CMSS1: variants seen among roughly 807,000 people sequenced by gnomAD.
CMSS1 encodes protein CMSS1.
A neutral mutation model predicts 43.5 loss-of-function variants in CMSS1; 33 were observed. That is an observed-to-expected ratio of 0.76 (90% confidence interval 0.57 to 1.01). CMSS1 has a LOEUF of 1.01. CMSS1 is among the 50% of genes least tolerant of loss of function. The probability of loss-of-function intolerance (pLI) is 0.00; values close to 1 mark genes in which losing one functional copy is unlikely to be tolerated. For synonymous variants in CMSS1, 115 were observed against 117.2 expected (o/e 0.98, Z 0.12); for missense variants, 313 against 326.4 (o/e 0.96, Z 0.32).
chr3:100,039,807 G>T (rs549890862), intron 1 of CMSS1: 1 of 150,462 alleles, frequency 6.6e-6, no homozygotes, highest in African/African-American at 2.4e-5. Context: ...AGGCTGGAGT[G>T]CAGTGGCATG....
At chr3:99,907,786 C>A (rs143034925) in intron 1 of CMSS1, among the ~76,000 whole-genome samples, 13 of 152,130 alleles carry the variant, frequency 8.5e-5, no homozygotes, top group African/African-American at 3.1e-4. Context: ...TAATGTGCAA[C>A]GCTAATGCTA....
intron 1 of CMSS1, among the ~76,000 whole-genome samples, chr3:99,945,294 T>G (rs1707975679): frequency 6.6e-6 from 1 of 152,134 alleles, no homozygotes; most frequent in Non-Finnish European, 1.5e-5. Context: ...CCATACTCCC[T>G]CATGAGGTGA....
At chr3:99,835,092 C>A (rs1306553787) in intron 1 of CMSS1, among the ~76,000 whole-genome samples, 1 of 152,050 alleles carries the variant, frequency 6.6e-6, no homozygotes, top group Non-Finnish European at 1.5e-5. Flanking sequence ...ATTGTTTTAC[C>A]TTTCTTGTTT....
chr3:100,020,949 G>A (rs1003628641), intron 1 of CMSS1, among the ~76,000 whole-genome samples: 1 of 152,012 alleles, frequency 6.6e-6, no homozygotes, highest in East Asian at 1.9e-4. Flanking sequence ...TGTATTTTTA[G>A]TAGGGACAGG....
chr3:100,048,736 G>T (rs1430768966), intron 1 of CMSS1, among the ~76,000 whole-genome samples: 1 of 152,144 alleles, frequency 6.6e-6, no homozygotes, highest in Non-Finnish European at 1.5e-5. Flanking sequence ...CTCAGCCCCT[G>T]TACATGGACA....
chr3:99,833,432 A>G (rs1942769383), intron 1 of CMSS1, among the ~76,000 whole-genome samples: 2 of 152,226 alleles, frequency 1.3e-5, no homozygotes, highest in Admixed American at 1.3e-4. Flanking sequence ...AGAAGTATGG[A>G]AAGGTGAAGT....
chr3:100,106,192 A>G (rs2066392519), intron 1 of CMSS1, among the ~76,000 whole-genome samples: 1 of 152,158 alleles, frequency 6.6e-6, no homozygotes, highest in African/African-American at 2.4e-5. Context: ...TATCAAAAGG[A>G]TGCAGCAACA....
At chr3:100,151,591 G>C (rs2066909002) in intron 2 of CMSS1, among the ~76,000 whole-genome samples, 1 of 152,178 alleles carries the variant, frequency 6.6e-6, no homozygotes, top group Non-Finnish European at 1.5e-5. Flanking sequence ...TCTTTTTATA[G>C]TTTATTCTCA....
At chr3:100,165,031 C>T (rs1183824786) in intron 4 of CMSS1, among the ~76,000 whole-genome samples, 1 of 152,120 alleles carries the variant, frequency 6.6e-6, no homozygotes, top group African/African-American at 2.4e-5. Flanking sequence ...TCCTAATTGC[C>T]TATAGGCTAG....
chr3:99,889,285 A>C lies in CMSS1; in HGVS notation c.64+71242A>C, dbSNP rs545192074. Among the ~76,000 whole-genome samples, 7 of 152,258 alleles carry C rather than the reference A, an allele frequency of 4.6e-5. No individual in the cohort carries two copies. In the East Asian group the frequency reaches 1.4e-3, roughly 29 times the overall value. ...GCTTTACATATTTTTAGATGCACAC[A>C]AATTCAAACTGTTCCTAGGAAATGG... On this transcript the variant is annotated intron_variant, in intron 1 of 9. Coordinates refer to ENST00000421999, the MANE Select transcript of CMSS1 (RefSeq NM_032359.4).
intron 1 of CMSS1, among the ~76,000 whole-genome samples, chr3:99,819,625 T>C (rs1462722039): frequency 6.6e-6 from 1 of 152,230 alleles, no homozygotes; most frequent in Non-Finnish European, 1.5e-5. Context: ...TTTAGTCAAG[T>C]GTGATTGATT....
intron 1 of CMSS1, among the ~76,000 whole-genome samples, chr3:99,989,941 T>C (rs1477190752): frequency 2.0e-5 from 3 of 152,144 alleles, no homozygotes; most frequent in Non-Finnish European, 4.4e-5. Flanking sequence ...TGGTACGTGC[T>C]TAAGAGTGCA....
chr3:99,844,957 A>G (rs1467936322), intron 1 of CMSS1, among the ~76,000 whole-genome samples: 2 of 152,202 alleles, frequency 1.3e-5, no homozygotes, highest in Non-Finnish European at 2.9e-5. Context: ...TGGTGAGTCA[A>G]TAAAACCTTT....
chr3:100,131,053 A>G (rs988116598), intron 1 of CMSS1, among the ~76,000 whole-genome samples: 1 of 152,204 alleles, frequency 6.6e-6, no homozygotes, highest in Non-Finnish European at 1.5e-5. Context: ...GGTTATGATG[A>G]CCATTTTGTG....
intron 1 of CMSS1, among the ~76,000 whole-genome samples, chr3:99,902,501 A>G (rs971548839): frequency 1.3e-5 from 2 of 152,196 alleles, no homozygotes; most frequent in Admixed American, 1.3e-4. Context: ...ATCTTGATAT[A>G]TAAGGGTATC....
chr3:100,036,255 C>T lies in CMSS1; in HGVS notation c.65-110718C>T, dbSNP rs151044589. On this transcript the variant is annotated intron_variant, in intron 1 of 9. Transcript: ENST00000421999. ...CACATAAAGCTTCTACATCTCATTT[C>T]CCACTAAGAGGAACAAAGCCTTCTT... is the stretch of plus-strand genomic sequence containing the variant. Among the ~76,000 whole-genome samples, 23 of 152,258 alleles carry T rather than the reference C, an allele frequency of 1.5e-4. No individual in the cohort carries two copies. The East Asian group carries it at 4.4e-3, about 29-fold the overall frequency.
Position 100,095,198 on chromosome 3 carries a change from T to C in CMSS1, c.65-51775T>C, listed in dbSNP as rs190185394. Among the ~76,000 whole-genome samples the C allele has an allele frequency of 2.8e-3, 419 of 152,358 alleles. 2 individuals carry two copies. The highest frequency in any genetic ancestry group is 9.5e-3 in the African/African-American group (394 of 41,588). ...CCCACTTTCTCTTCTTTTTCAACACTGTTTTAGTTATTCTATTTACCTTTC... is the reference window on the plus strand; with the variant it reads ...CCCACTTTCTCTTCTTTTTCAACACCGTTTTAGTTATTCTATTTACCTTTC... On this transcript the variant is annotated intron_variant, in intron 1 of 9. Transcript: ENST00000421999.
At chr3:99,818,356 AC>A (rs1429702487) in intron 1 of CMSS1, among the ~76,000 whole-genome samples, 8 of 152,150 alleles carry the variant, frequency 5.3e-5, no homozygotes, top group Non-Finnish European at 8.8e-5. Context: ...GTTAAGGGTG[AC>A]CCATGAACTG....
intron 1 of CMSS1, among the ~76,000 whole-genome samples, chr3:99,971,163 C>T (rs914963056): frequency 2.0e-5 from 3 of 152,060 alleles, no homozygotes; most frequent in Non-Finnish European, 2.9e-5. Flanking sequence ...TGGTGAAACC[C>T]CGTCTCTACT....
Sources: gnomAD v4.1 joint callset for allele counts (sites outside exome capture counted in the v4.1 genomes callset) on GRCh38, gnomAD v4.1.1 for gene constraint, MANE v1.5 for transcripts, NCBI Gene and HGNC (gene_info 2026-07-23, HGNC 2026-07-21) for gene names.